Variants in NBPF3 observed in about 807,000 individuals in gnomAD.
NBPF3 encodes NBPF member 3, also known as NBPF family member NBPF3.
Under a neutral mutation model 78.1 loss-of-function variants are expected in NBPF3, and 57 were observed. That is an observed-to-expected ratio of 0.73 (90% CI 0.59 to 0.91). NBPF3 has a LOEUF of 0.91. Ranked by LOEUF, NBPF3 falls within the 40% of genes least tolerant of loss-of-function variation. NBPF3 has a pLI of 0.00. For synonymous variants in NBPF3, 182 were observed against 271.7 expected (o/e 0.67, Z 3.25); for missense variants, 510 against 715.3 (o/e 0.71, Z 3.27).
intron 8 of NBPF3, among the ~76,000 whole-genome samples, chr1:21,475,176 A>C (rs1213942855): frequency 6.6e-6 from 1 of 152,174 alleles, no homozygotes; most frequent in African/African-American, 2.4e-5. Context: ...TGAACTAGCC[A>C]AACAGGGATT....
At chr1:21,475,473 G>C (rs1642842946) in intron 8 of NBPF3, among the ~76,000 whole-genome samples, 1 of 152,096 alleles carries the variant, frequency 6.6e-6, no homozygotes, top group Admixed American at 6.6e-5. Flanking sequence ...TGTTCTCATT[G>C]GTTTCAAAGA....
chr1:21,468,081 C>G (rs1642376520), intron 2 of NBPF3: 1 of 153,620 alleles, frequency 6.5e-6, no homozygotes, highest in Non-Finnish European at 1.4e-5. Context: ...AGTTTGATAT[C>G]TTACACTTGT....
At chr1:21,449,464 T>TTATG (rs1474886417) in intron 2 of NBPF3, among the ~76,000 whole-genome samples, 1 of 151,732 alleles carries the variant, frequency 6.6e-6, no homozygotes. Context: ...CCATCTTTAT[T>TTATG]TATTTATTTA....
intron 5 of NBPF3, among the ~76,000 whole-genome samples, chr1:21,472,326 G>A (rs1642644263): frequency 6.6e-6 from 1 of 152,230 alleles, no homozygotes; most frequent in Non-Finnish European, 1.5e-5. Flanking sequence ...GGCACTTGAT[G>A]TGGGGGCATT....
chr1:21,468,550 A>G (rs951437454), intron 2 of NBPF3, 138 bp from the exon 3 acceptor site: 4 of 1,536,652 alleles, frequency 2.6e-6, no homozygotes, highest in Non-Finnish European at 3.5e-6. Flanking sequence ...TAAGGATCCT[A>G]AAGTGCTGCG....
intron 2 of NBPF3, among the ~76,000 whole-genome samples, chr1:21,464,260 C>T (rs79451233): frequency 6.6e-6 from 1 of 152,144 alleles, no homozygotes; most frequent in Non-Finnish European, 1.5e-5. Context: ...TGTGGTATAA[C>T]CATATAGTGG....
At chr1:21,442,933 A>G (rs1640744642) in intron 1 of NBPF3, among the ~76,000 whole-genome samples, 2 of 152,180 alleles carry the variant, frequency 1.3e-5, no homozygotes, top group Admixed American at 6.5e-5. Context: ...GAGTGCTGGA[A>G]TTACAGGTGT....
At chr1:21,466,968 T>C in intron 2 of NBPF3, 1 of 982,406 alleles carries the variant, frequency 1.0e-6, no homozygotes, top group Non-Finnish European at 1.2e-6. Context: ...AATTACTGAA[T>C]AATTACTGTG....
Position 21,478,232 on chromosome 1 carries a change from G to C in NBPF3, c.1081G>C (p.Ala361Pro). ...TCTCTCAATTCCTCCTGACATGTCT[G>C]CCTCATACCAGTCTGACAGGAGCAC... ...WTLSIPPDMS[A>P]SYQSDRSTFH... is the part of the protein sequence containing the mutation. Residue 361 changes from alanine (A) to proline (P), a missense_variant, in exon 9 of 15, where the codon GCC becomes CCC. By Grantham distance (27) the Ala-to-Pro change is conservative. Transcript: ENST00000318249. The C allele has an allele frequency of 6.2e-7, 1 of 1,614,154 alleles. No homozygotes were observed. The highest frequency in any genetic ancestry group is 1.1e-5 in the South Asian group (1 of 91,080).
At position 21,479,448 on chromosome 1, in the gene NBPF3, G is replaced by C. The variant is rs375422468; in HGVS notation, c.1208+48G>C. On this transcript the variant is annotated intron_variant, in intron 10 of 14. Coordinates refer to ENST00000318249, the MANE Select transcript of NBPF3 (RefSeq NM_032264.6). ...AGTTAATTTGATGTTGACACCTGGA[G>C]ATGCCAAGTCCGGGGAAAGCAGTAC... The C allele has an allele frequency of 1.5e-5, 23 of 1,534,058 alleles. No homozygotes were observed. The African/African-American group carries it at 3.0e-4, about 20-fold the overall frequency.
chr1:21,445,208 G>C lies in NBPF3; in HGVS notation c.122G>C (p.Arg41Pro), dbSNP rs79181421. The C allele has an allele frequency of 2.5e-6, 4 of 1,611,702 alleles. No homozygotes were observed. In the African/African-American group the frequency reaches 4.0e-5, roughly 16 times the overall value. Reference sequence around the variant, plus strand: ...GGTGTGGGCCGACATCAAGAGCTGCGAGATCCAACAGGTAAAAATCCCGAG... The same window carrying C: ...GGTGTGGGCCGACATCAAGAGCTGCCAGATCCAACAGGTAAAAATCCCGAG... ...SHGVGRHQEL[R>P]DPTVPGPTSS... The change falls in exon 2 of 15, where the codon CGA becomes CCA. Residue 41 changes from arginine (R) to proline (P), a missense_variant. Arg to Pro is a moderately radical substitution (Grantham distance 103). This residue lies in a region of NBPF3 where 440 missense variants were observed against 478.2 expected (regional missense o/e 0.92). Coordinates refer to ENST00000318249, the MANE Select transcript of NBPF3 (RefSeq NM_032264.6).
intron 3 of NBPF3, 86 bp from the exon 4 acceptor site, chr1:21,470,546 G>C (rs1342333635): frequency 9.4e-7 from 1 of 1,060,456 alleles, no homozygotes; most frequent in African/African-American, 1.6e-5. Flanking sequence ...TTGTCCTTGG[G>C]ATGGACCTGG....
At chr1:21,470,506 C>T in intron 3 of NBPF3, 126 bp from the exon 4 acceptor site, 1 of 638,894 alleles carries the variant, frequency 1.6e-6, no homozygotes, top group Non-Finnish European at 2.8e-6. Context: ...TGTGGAAATC[C>T]CTACGTAGAG....
chr1:21,458,438 C>A (rs1029997582), intron 2 of NBPF3, among the ~76,000 whole-genome samples: 1 of 150,476 alleles, frequency 6.6e-6, no homozygotes, highest in Non-Finnish European at 1.5e-5. Context: ...GTTAGGGAGG[C>A]CTGTGTTAGT....
At position 21,468,699 on chromosome 1, in the gene NBPF3, A is replaced by G. The variant is rs751383411; in HGVS notation, c.145A>G (p.Thr49Ala). 1.2e-6 allele frequency: 2 copies of G among 1,613,070 alleles called. No homozygotes were observed. Residue 49 changes from threonine (T) to alanine (A), a missense_variant, in exon 3 of 15, where the codon ACC becomes GCC. By Grantham distance (58) the Thr-to-Ala change is moderately conservative (BLOSUM62 0). Around this residue, in one of 5 missense-constraint regions of NBPF3, gnomAD observed 440 missense variants for 478.2 expected, o/e 0.92. Coordinates refer to ENST00000318249, the MANE Select transcript of NBPF3 (RefSeq NM_032264.6). ...ELRDPTVPGPTSSATNVSMVV... is the reference protein window; with the variant it reads ...ELRDPTVPGPASSATNVSMVV... ...TGTCTTCTCCCCAGTCCCTGGCCCC[A>G]CCTCTTCTGCCACAAACGTCAGCAT...
chr1:21,474,971 G>A lies in NBPF3; in HGVS notation c.992+20G>A, dbSNP rs370302515. 1.1e-4 allele frequency: 170 copies of A among 1,596,824 alleles called. No homozygotes were observed. Among genetic ancestry groups the A allele is most frequent in the Non-Finnish European group, 1.4e-4 (161 of 1,167,996 alleles). On this transcript the variant is annotated intron_variant, in intron 8 of 14. Transcript: ENST00000318249. ...TCCCAGGTAATGCCATGGAATTGTGGGCTGTTAATTCAATAGTGGCAGCTG... is the reference window on the plus strand; with the variant it reads ...TCCCAGGTAATGCCATGGAATTGTGAGCTGTTAATTCAATAGTGGCAGCTG...
intron 2 of NBPF3, among the ~76,000 whole-genome samples, chr1:21,456,158 A>G (rs1179735307): frequency 1.3e-5 from 2 of 152,178 alleles, no homozygotes; most frequent in Non-Finnish European, 2.9e-5. Context: ...TAAAACATAA[A>G]CCAGTCCACA....
intron 2 of NBPF3, among the ~76,000 whole-genome samples, chr1:21,464,787 C>T (rs1300990805): frequency 6.6e-6 from 1 of 151,806 alleles, no homozygotes; most frequent in Admixed American, 6.6e-5. Flanking sequence ...GTGGAAGGAT[C>T]GCTTGAGGCC....
At chr1:21,437,409 C>CA, upstream of NBPF3, 1 of 1,126,784 alleles carries the variant, frequency 8.9e-7, no homozygotes, top group South Asian at 1.5e-5. Context: ...TCCTGGCTCT[C>CA]AAACGTAGGC....
Sources: allele counts gnomAD v4.1 joint callset (sites outside exome capture counted in the v4.1 genomes callset), GRCh38; gene constraint gnomAD v4.1.1; regional missense constraint gnomAD v4.1.1; transcripts MANE v1.5; gene names NCBI Gene and HGNC (gene_info 2026-07-23, HGNC 2026-07-21).